MEMO1: variants seen among roughly 807,000 people sequenced by gnomAD.
The protein encoded by MEMO1 is protein MEMO1.
A neutral mutation model predicts 45.2 loss-of-function variants in MEMO1; 6 were observed. The observed-to-expected ratio is 0.13, with a 90% CI of 0.07 to 0.26. The LOEUF is 0.26. Ranked by LOEUF, MEMO1 falls within the 10% of genes least tolerant of loss-of-function variation. MEMO1 has a pLI of 1.00. For synonymous variants in MEMO1, 78 were observed against 124.3 expected (o/e 0.63, Z 2.48); for missense variants, 184 against 370.5 (o/e 0.50, Z 4.13).
chr2:31,955,617 TC>T (rs1667328678), intron 2 of MEMO1, among the ~76,000 whole-genome samples: 1 of 152,208 alleles, frequency 6.6e-6, no homozygotes, highest in Non-Finnish European at 1.5e-5. Flanking sequence ...TCTTTTTTTT[TC>T]TTTTTTTGTG....
At chr2:31,965,593 A>T (rs1668524873) in intron 2 of MEMO1, among the ~76,000 whole-genome samples, 1 of 152,222 alleles carries the variant, frequency 6.6e-6, no homozygotes, top group African/African-American at 2.4e-5. Flanking sequence ...TATGTGACCT[A>T]AACAAAACTC....
At chr2:31,979,659 T>A (rs1049071507) in intron 2 of MEMO1, among the ~76,000 whole-genome samples, 1 of 152,008 alleles carries the variant, frequency 6.6e-6, no homozygotes, top group Non-Finnish European at 1.5e-5. Context: ...CCCAATTTTT[T>A]AAAAATAAAA....
At chr2:31,871,860 A>G (rs775261642) in intron 8 of MEMO1, among the ~76,000 whole-genome samples, 10 of 152,052 alleles carry the variant, frequency 6.6e-5, no homozygotes, top group Non-Finnish European at 1.5e-4. Context: ...CTAAAAATAC[A>G]AAAATTAGCC....
chr2:31,894,368 G>A (rs1677414436), intron 6 of MEMO1, among the ~76,000 whole-genome samples: 1 of 152,158 alleles, frequency 6.6e-6, no homozygotes, highest in South Asian at 2.1e-4. Context: ...AGCAGAGAGT[G>A]GAAAACCCAC....
intron 8 of MEMO1, among the ~76,000 whole-genome samples, chr2:31,882,503 T>C (rs1330070833): frequency 6.6e-6 from 1 of 152,082 alleles, no homozygotes; most frequent in Non-Finnish European, 1.5e-5. Context: ...TTTTGAGAGC[T>C]TCTAAAAATT....
At chr2:31,953,043 T>C (rs1667007785) in intron 2 of MEMO1, among the ~76,000 whole-genome samples, 1 of 152,224 alleles carries the variant, frequency 6.6e-6, no homozygotes, top group South Asian at 2.1e-4. Flanking sequence ...TTCTGTATTA[T>C]GTATCTATAC....
At chr2:31,897,221 C>G (rs1677979785) in intron 6 of MEMO1, among the ~76,000 whole-genome samples, 1 of 151,910 alleles carries the variant, frequency 6.6e-6, no homozygotes, top group Non-Finnish European at 1.5e-5. Flanking sequence ...ATTTCTTTCT[C>G]TTGCCTTATT....
intron 8 of MEMO1, among the ~76,000 whole-genome samples, chr2:31,873,749 A>T (rs1450283663): frequency 2.0e-5 from 3 of 152,128 alleles, no homozygotes; most frequent in Admixed American, 6.5e-5. Context: ...AGTTTAAAGG[A>T]TATATATTTA....
chr2:31,977,042 G>C (rs888460646), intron 2 of MEMO1, among the ~76,000 whole-genome samples: 1 of 151,970 alleles, frequency 6.6e-6, no homozygotes, highest in East Asian at 1.9e-4. Context: ...ACCTAATAAA[G>C]GATTTAGAGT....
intron 6 of MEMO1, among the ~76,000 whole-genome samples, chr2:31,916,166 A>C (rs1656355714): frequency 6.6e-6 from 1 of 152,174 alleles, no homozygotes; most frequent in Non-Finnish European, 1.5e-5. Flanking sequence ...AACAATAAAA[A>C]TGTTATTTTG....
At chr2:31,961,365 A>G (rs1219288450) in intron 2 of MEMO1, among the ~76,000 whole-genome samples, 1 of 152,136 alleles carries the variant, frequency 6.6e-6, no homozygotes, top group East Asian at 1.9e-4. Flanking sequence ...AAAAAAAAAG[A>G]GGCAACAATA....
chr2:32,000,841 C>A (rs1395937070), intron 2 of MEMO1, among the ~76,000 whole-genome samples: 2 of 151,662 alleles, frequency 1.3e-5, no homozygotes, highest in Non-Finnish European at 2.9e-5. Context: ...GAACATGCAC[C>A]CAATTTTCCT....
At chr2:31,994,459 A>G (rs1223643581) in intron 2 of MEMO1, among the ~76,000 whole-genome samples, 8 of 150,024 alleles carry the variant, frequency 5.3e-5, no homozygotes, top group Admixed American at 6.7e-5. Flanking sequence ...GTGAAACCCC[A>G]TCTCTACTAA....
intron 3 of MEMO1, among the ~76,000 whole-genome samples, chr2:31,937,317 A>C (rs1384205645): frequency 6.6e-6 from 1 of 152,226 alleles, no homozygotes; most frequent in Non-Finnish European, 1.5e-5. Context: ...TATTAAAGTT[A>C]TTGAAGTCAA....
intron 3 of MEMO1, among the ~76,000 whole-genome samples, chr2:31,939,869 G>A (rs1030223445): frequency 2.0e-5 from 3 of 151,938 alleles, no homozygotes; most frequent in South Asian, 2.1e-4. Context: ...CTATACTTAC[G>A]TCTTCATCGC....
At chr2:31,990,386 AT>A (rs1416514957) in intron 2 of MEMO1, among the ~76,000 whole-genome samples, 1 of 152,194 alleles carries the variant, frequency 6.6e-6, no homozygotes, top group Non-Finnish European at 1.5e-5. Flanking sequence ...TATTATTGCT[AT>A]TTTTAAATAA....
At chr2:32,000,983 G>A (rs1673232421) in intron 2 of MEMO1, among the ~76,000 whole-genome samples, 1 of 149,630 alleles carries the variant, frequency 6.7e-6, no homozygotes, top group African/African-American at 2.5e-5. Flanking sequence ...GTTCAATATT[G>A]AATTGCTGAA....
At chr2:31,941,688 A>C (rs1214466450) in intron 3 of MEMO1, among the ~76,000 whole-genome samples, 1 of 152,200 alleles carries the variant, frequency 6.6e-6, no homozygotes, top group Non-Finnish European at 1.5e-5. Context: ...TAAAAGCGTT[A>C]AGGAAATACT....
At chr2:32,001,044 TTTTTTTTTTTTGAGACAGGAG>T (rs1230884915) in intron 2 of MEMO1, among the ~76,000 whole-genome samples, 1 of 147,332 alleles carries the variant, frequency 6.8e-6, no homozygotes, top group East Asian at 2.0e-4. Context: ...TTTTTTTTTT[TTTTTTTTTTTTGAGACAGGAG>T]TCTCGCTCTC....
Sources: gnomAD v4.1 joint callset for allele counts (sites outside exome capture counted in the v4.1 genomes callset) on GRCh38, gnomAD v4.1.1 for gene constraint, MANE v1.5 for transcripts, NCBI Gene and HGNC (gene_info 2026-07-23, HGNC 2026-07-21) for gene names.